NRIP1: variants seen among roughly 807,000 people sequenced by gnomAD.
The protein encoded by NRIP1 is nuclear receptor-interacting protein 1.
NRIP1 carries 28 observed loss-of-function variants against 75.0 expected under a neutral mutation model. The observed-to-expected ratio is 0.37, with a 90% CI of 0.28 to 0.51. The LOEUF is 0.51. NRIP1 is among the 20% of genes least tolerant of loss of function. NRIP1 has a pLI of 0.92. For missense variants in NRIP1, 1,435 were observed against 1,343.7 expected (o/e 1.07, Z -1.06); for synonymous variants, 526 against 487.6 (o/e 1.08, Z -1.04).
intron 3 of NRIP1, among the ~76,000 whole-genome samples, chr21:14,986,510 A>G (rs2087408730): frequency 6.6e-6 from 1 of 152,222 alleles, no homozygotes; most frequent in Non-Finnish European, 1.5e-5. Flanking sequence ...GCCTTATGGC[A>G]TAATATTAAA....
At position 14,982,642 on chromosome 21, in the gene NRIP1, C is replaced by T. The variant is rs147168043; in HGVS notation, c.-334-14116G>A. 4.5e-4 allele frequency among the ~76,000 whole-genome samples: 68 copies of T among 151,916 alleles called. No individual in the cohort carries two copies. In the East Asian group the frequency reaches 8.7e-3, roughly 19 times the overall value. ...CAATCATCTTGCTTACAAAACTGTACGGTCACACGTCATTTTATTGTGCTT... is the reference window on the plus strand; with the variant it reads ...CAATCATCTTGCTTACAAAACTGTATGGTCACACGTCATTTTATTGTGCTT... On this transcript the variant is annotated intron_variant, in intron 3 of 3. Transcript: ENST00000318948.
chr21:15,047,729 A>G (rs193045677), intron 1 of NRIP1, among the ~76,000 whole-genome samples: 31 of 152,272 alleles, frequency 2.0e-4, no homozygotes, highest in Non-Finnish European at 4.1e-4. Context: ...CAGCCAAACC[A>G]TATCAGGCTG....
At position 14,992,036 on chromosome 21, in the gene NRIP1, T is replaced by C. The variant is rs8131778; in HGVS notation, c.-335+22308A>G. 9.9e-3 allele frequency among the ~76,000 whole-genome samples: 1,511 copies of C among 152,246 alleles called. 21 individuals carry two copies. Among genetic ancestry groups the C allele is most frequent in the African/African-American group, 0.035 (1,436 of 41,544 alleles). On this transcript the variant is annotated intron_variant, in intron 3 of 3. Transcript: ENST00000318948. ...GTACACAGCCCAAAGGAAGTCAGTC[T>C]TGTTTTGTTTTGTATGCTTTCAGAC...
chr21:15,001,648 G>A (rs923436257), intron 3 of NRIP1, among the ~76,000 whole-genome samples: 3 of 151,986 alleles, frequency 2.0e-5, no homozygotes, highest in African/African-American at 7.2e-5. Flanking sequence ...GCTAGCAGAA[G>A]AATAAAGTAA....
At chr21:15,049,936 C>T (rs1211074699) in intron 1 of NRIP1, among the ~76,000 whole-genome samples, 1 of 152,088 alleles carries the variant, frequency 6.6e-6, no homozygotes, top group African/African-American at 2.4e-5. Flanking sequence ...TCCTAAAAAA[C>T]TTCAATACAT....
chr21:15,022,986 A>G (rs2088416011), intron 2 of NRIP1, among the ~76,000 whole-genome samples: 1 of 152,198 alleles, frequency 6.6e-6, no homozygotes, highest in African/African-American at 2.4e-5. Context: ...AAATCACGTG[A>G]TCCCATTTCT....
At chr21:15,062,401 CA>C (rs1978376487) in intron 1 of NRIP1, among the ~76,000 whole-genome samples, 2 of 152,166 alleles carry the variant, frequency 1.3e-5, no homozygotes, top group Non-Finnish European at 2.9e-5. Context: ...ATCTGGACTT[CA>C]AAAAGTTCTA....
intron 1 of NRIP1, among the ~76,000 whole-genome samples, chr21:15,055,752 T>A (rs1163696105): frequency 6.6e-6 from 1 of 152,192 alleles, no homozygotes; most frequent in Non-Finnish European, 1.5e-5. Flanking sequence ...CTGACCATCC[T>A]AGGTCTACCC....
At chr21:15,016,106 T>C (rs934639692) in intron 2 of NRIP1, among the ~76,000 whole-genome samples, 3 of 152,184 alleles carry the variant, frequency 2.0e-5, no homozygotes, top group Non-Finnish European at 4.4e-5. Flanking sequence ...ATCATGGACA[T>C]GACTGTATTT....
chr21:14,985,435 T>C (rs2087370524), intron 3 of NRIP1, among the ~76,000 whole-genome samples: 1 of 152,126 alleles, frequency 6.6e-6, no homozygotes, highest in South Asian at 2.1e-4. Flanking sequence ...AAAACATGCG[T>C]GACTAATATT....
intron 3 of NRIP1, among the ~76,000 whole-genome samples, chr21:15,008,057 A>G (rs373606680): frequency 9.2e-4 from 140 of 152,290 alleles, no homozygotes; most frequent in African/African-American, 3.0e-3. Context: ...ACCCAGCACC[A>G]ATGTAATTTG....
At chr21:15,052,565 C>T (rs2089224211) in intron 1 of NRIP1, among the ~76,000 whole-genome samples, 1 of 152,206 alleles carries the variant, frequency 6.6e-6, no homozygotes, top group East Asian at 1.9e-4. Flanking sequence ...CGCGATACTT[C>T]ACTGAAGTAT....
chr21:14,976,911 G>C (rs1184252185), intron 3 of NRIP1, among the ~76,000 whole-genome samples: 2 of 151,994 alleles, frequency 1.3e-5, no homozygotes, highest in Non-Finnish European at 2.9e-5. Context: ...TATATCTAAG[G>C]ACTACCTCAT....
chr21:15,017,040 G>C (rs2088251165), intron 2 of NRIP1, among the ~76,000 whole-genome samples: 1 of 152,004 alleles, frequency 6.6e-6, no homozygotes, highest in African/African-American at 2.4e-5. Flanking sequence ...GAAAGAGAAT[G>C]CTGCAACTAG....
At chr21:15,051,832 T>A (rs918206210) in intron 1 of NRIP1, 3 of 152,208 alleles carry the variant, frequency 2.0e-5, no homozygotes, top group Non-Finnish European at 4.4e-5. Context: ...ACTGCTGCCC[T>A]TTGCACAAAA....
chr21:14,987,672 TGATTCCTACAAAGTGTATTTTACATTTTA>T (rs2087445757), intron 3 of NRIP1, among the ~76,000 whole-genome samples: 1 of 152,178 alleles, frequency 6.6e-6, no homozygotes, highest in Non-Finnish European at 1.5e-5. Flanking sequence ...CACTGACCGT[TGATTCCTACAAAGTGTATTTTACATTTTA>T]AAAGCCCTGC....
chr21:14,991,192 C>T (rs890087226), intron 3 of NRIP1: 1 of 151,700 alleles, frequency 6.6e-6, no homozygotes, highest in Non-Finnish European at 1.5e-5. Flanking sequence ...CTAACTACTT[C>T]TCACTTACTT....
At chr21:15,065,153 C>G (rs1368615798), upstream of NRIP1, among the ~76,000 whole-genome samples, 1 of 152,130 alleles carries the variant, frequency 6.6e-6, no homozygotes, top group African/African-American at 2.4e-5. Flanking sequence ...CCCCCTCCCT[C>G]CCATTGTCAC....
intron 3 of NRIP1, among the ~76,000 whole-genome samples, chr21:14,973,881 C>G (rs1319875193): frequency 6.9e-6 from 1 of 144,032 alleles, no homozygotes; most frequent in Non-Finnish European, 1.5e-5. Flanking sequence ...ATGGGGATCT[C>G]ACAATGTTGC....
Sources: allele counts gnomAD v4.1 joint callset (sites outside exome capture counted in the v4.1 genomes callset), GRCh38; gene constraint gnomAD v4.1.1; transcripts MANE v1.5; gene names NCBI Gene and HGNC (gene_info 2026-07-23, HGNC 2026-07-21).